Variants in NPAS3 observed in about 807,000 individuals in gnomAD.
NPAS3 encodes the protein neuronal PAS domain protein 3, also known as neuronal PAS domain-containing protein 3.
NPAS3 carries 14 observed loss-of-function variants against 73.1 expected under a neutral mutation model. The observed-to-expected ratio is 0.19, with a 90% CI of 0.13 to 0.30. The LOEUF is 0.30. NPAS3 is among the 10% of genes least tolerant of loss of function. NPAS3 has a pLI of 1.00. For missense variants in NPAS3, 1,096 were observed against 1,250.0 expected, an observed-to-expected ratio of 0.88 and a Z score of 1.86; for synonymous variants, 620 against 541.5, an observed-to-expected ratio of 1.14 and a Z score of -2.01.
rs754171700 is a variant in NPAS3 at position 33,800,900 on chromosome 14, C to T, written c.2593C>T (p.Pro865Ser). The stretch of plus-strand genomic sequence containing the variant: ...TAACAGCCCCGGCTTTGGCCTCGAC[C>T]CCAAGACGCCCATGGAGATGCTCTA... Residue 865 changes from proline to serine, a missense_variant, in exon 12 of 12, where the codon CCC becomes TCC. This residue lies in a region of NPAS3 where 698 missense variants were observed against 676.7 expected (regional missense o/e 1.03). Transcript: ENST00000356141. The surrounding 1 kb of genome is among the most constrained non-coding windows in gnomAD (Gnocchi z 6.5). 8.3e-5 allele frequency: 133 copies of T among 1,607,994 alleles called. No individual in the cohort carries two copies. Among genetic ancestry groups the T allele is most frequent in the Non-Finnish European group, 1.1e-4 (124 of 1,177,814 alleles).
chr14:33,672,204 C>T (rs1010540393), intron 5 of NPAS3, among the ~76,000 whole-genome samples: 14 of 152,088 alleles, frequency 9.2e-5, no homozygotes, highest in Admixed American at 2.6e-4. Context: ...TGTCCCTTCC[C>T]GGCATTTATA....
intron 2 of NPAS3, among the ~76,000 whole-genome samples, chr14:33,088,927 A>T (rs1474802432): frequency 6.6e-6 from 1 of 152,198 alleles, no homozygotes; most frequent in Non-Finnish European, 1.5e-5. Flanking sequence ...TCTGGAGTGG[A>T]ATTCCAGCAA....
intron 2 of NPAS3, among the ~76,000 whole-genome samples, chr14:33,096,012 C>A (rs1045116841): frequency 6.7e-6 from 1 of 150,338 alleles, no homozygotes; most frequent in African/African-American, 2.5e-5. Flanking sequence ...TGAAGGTGAT[C>A]CCAGCTTAAT....
intron 9 of NPAS3, among the ~76,000 whole-genome samples, chr14:33,790,567 C>A (rs200314008): frequency 2.0e-4 from 30 of 150,698 alleles, no homozygotes; most frequent in African/African-American, 7.3e-4. Flanking sequence ...TTTTTTTTTC[C>A]AAGGAAAGAA....
intron 7 of NPAS3, among the ~76,000 whole-genome samples, chr14:33,747,421 G>A (rs2061839556): frequency 6.6e-6 from 1 of 152,192 alleles, no homozygotes; most frequent in Non-Finnish European, 1.5e-5. Flanking sequence ...TAGCTCCGTT[G>A]TAGTGACTTT....
downstream of NPAS3, chr14:33,802,738 G>C (rs79967153): frequency 2.6e-3 from 400 of 152,450 alleles, no homozygotes; most frequent in Non-Finnish European, 4.8e-3. Flanking sequence ...GTGATTCTTG[G>C]GGGTTAGTGG....
Position 33,284,006 on chromosome 14 carries a change from T to C in NPAS3, c.385+68580T>C, listed in dbSNP as rs1278121602. Among the ~76,000 whole-genome samples the C allele has an allele frequency of 2.6e-5, 4 of 152,202 alleles. No homozygotes were observed. The East Asian group carries it at 5.8e-4, about 22-fold the overall frequency. ...TTTAATACTTTGTTTATCTTCCTCT[T>C]AATTCACCATCCTTTTTCTCCTTTC... On this transcript the variant is annotated intron_variant, in intron 3 of 11. Transcript: ENST00000356141.
chr14:33,059,517 A>G (rs564527707), intron 2 of NPAS3, among the ~76,000 whole-genome samples: 1 of 152,310 alleles, frequency 6.6e-6, no homozygotes, highest in South Asian at 2.1e-4. Flanking sequence ...TATTGTAAAT[A>G]TTTTACAAAT....
intron 2 of NPAS3, among the ~76,000 whole-genome samples, chr14:33,087,903 A>G (rs915399239): frequency 2.6e-5 from 4 of 152,236 alleles, no homozygotes; most frequent in Non-Finnish European, 5.9e-5. Context: ...AATTGTTTTC[A>G]TACTTCAGTA....
chr14:33,607,521 A>C (rs754764113), intron 5 of NPAS3, among the ~76,000 whole-genome samples: 1 of 152,182 alleles, frequency 6.6e-6, no homozygotes, highest in African/African-American at 2.4e-5. Flanking sequence ...GGTGATGGAG[A>C]GAGAGATGCG....
At chr14:33,619,938 C>T (rs1163630683) in intron 5 of NPAS3, among the ~76,000 whole-genome samples, 1 of 152,144 alleles carries the variant, frequency 6.6e-6, no homozygotes, top group Non-Finnish European at 1.5e-5. Flanking sequence ...TAGGCTGCCA[C>T]GATTCTCTGA....
intron 4 of NPAS3, among the ~76,000 whole-genome samples, chr14:33,370,340 A>G (rs998304125): frequency 6.6e-5 from 10 of 152,206 alleles, no homozygotes; most frequent in African/African-American, 2.2e-4. Flanking sequence ...TTTATTAGGC[A>G]AAGAAAAGGG....
Position 33,477,578 on chromosome 14 carries a change from A to G in NPAS3, c.469-82543A>G, listed in dbSNP as rs531546430. The stretch of plus-strand genomic sequence containing the variant: ...ACACACACAGCCATATAAGTAGCCT[A>G]TGGAATATTTTGGGACCCATGATGG... On this transcript the variant is annotated intron_variant, in intron 4 of 11. Transcript: ENST00000356141. 2.2e-4 allele frequency among the ~76,000 whole-genome samples: 33 copies of G among 152,190 alleles called. 1 individual carries two copies. The South Asian group carries it at 5.4e-3, about 25-fold the overall frequency.
chr14:33,255,806 TTA>T (rs2048759086), intron 3 of NPAS3, among the ~76,000 whole-genome samples: 1 of 152,114 alleles, frequency 6.6e-6, no homozygotes, highest in South Asian at 2.1e-4. Flanking sequence ...TAGATGGAAT[TTA>T]TTGAGGATTG....
chr14:33,004,460 G>T (rs2038918508), intron 1 of NPAS3, among the ~76,000 whole-genome samples: 1 of 152,064 alleles, frequency 6.6e-6, no homozygotes, highest in Admixed American at 6.6e-5. Context: ...AAGAGAAATG[G>T]TACTCCTGTA....
At chr14:33,545,856 GC>G (rs1289127585) in intron 4 of NPAS3, among the ~76,000 whole-genome samples, 3 of 152,182 alleles carry the variant, frequency 2.0e-5, no homozygotes, top group Non-Finnish European at 2.9e-5. Flanking sequence ...ATAAGATATG[GC>G]CTCTGGCAGT....
intron 1 of NPAS3, among the ~76,000 whole-genome samples, chr14:32,994,188 T>C (rs984852383): frequency 1.5e-4 from 23 of 152,186 alleles, no homozygotes; most frequent in African/African-American, 4.6e-4. Context: ...AAATACTATA[T>C]TATAAATTCC....
intron 4 of NPAS3, among the ~76,000 whole-genome samples, chr14:33,470,581 A>C (rs1199914777): frequency 6.6e-6 from 1 of 152,184 alleles, no homozygotes; most frequent in African/African-American, 2.4e-5. Flanking sequence ...CCTTGTTCCT[A>C]CTTCATAGGA....
At chr14:33,181,708 G>A (rs2139443422) in intron 2 of NPAS3, among the ~76,000 whole-genome samples, 1 of 152,274 alleles carries the variant, frequency 6.6e-6, no homozygotes, top group African/African-American at 2.4e-5. Flanking sequence ...TATAAAATGT[G>A]ATTAGTAATT....
Sources: gnomAD v4.1 joint callset for allele counts (sites outside exome capture counted in the v4.1 genomes callset) on GRCh38, gnomAD v4.1.1 for gene constraint, gnomAD v4.1.1 regional missense constraint, Gnocchi (gnomAD v3.1) non-coding constraint, MANE v1.5 for transcripts, NCBI Gene and HGNC (gene_info 2026-07-23, HGNC 2026-07-21) for gene names.